TFPI: variants seen among roughly 807,000 people sequenced by gnomAD.
The protein encoded by TFPI is tissue factor pathway inhibitor.
In TFPI, 15 loss-of-function variants were observed where a neutral mutation model predicts 34.6. The observed-to-expected ratio is 0.43, with a 90% CI of 0.29 to 0.67. The LOEUF is 0.67. TFPI is among the 30% of genes least tolerant of loss of function. TFPI has a pLI of 0.15. For synonymous variants in TFPI, 105 were observed against 120.1 expected (o/e 0.87, Z 0.82); for missense variants, 301 against 364.0 (o/e 0.83, Z 1.41).
chr2:187,484,769 A>T (rs1693136392), intron 5 of TFPI, 42 bp downstream of exon 5: 2 of 1,531,042 alleles, frequency 1.3e-6, no homozygotes, highest in South Asian at 2.7e-5. Context: ...TTTTAAAAGG[A>T]TGCCTATAAA....
At chr2:187,543,966 T>TTTTCG (rs1209744683) in intron 1 of TFPI, among the ~76,000 whole-genome samples, 1 of 152,138 alleles carries the variant, frequency 6.6e-6, no homozygotes, top group Admixed American at 6.5e-5. Flanking sequence ...ATGATGGAAA[T>TTTTCG]AAAAATATAG....
Position 187,493,291 on chromosome 2 carries a change from T to C in TFPI, c.319+3590A>G, listed in dbSNP as rs8176475. 1.7e-3 allele frequency among the ~76,000 whole-genome samples: 252 copies of C among 152,264 alleles called. 1 individual carries two copies. The highest frequency in any genetic ancestry group is 2.8e-3 in the Non-Finnish European group (188 of 68,010). ...CTGAAGCTCTGGCCCTAGCTCTACG[T>C]TGACCCCTTTCAATCATGGCTGGAG... On this transcript the variant is annotated intron_variant, in intron 3 of 7. Transcript: ENST00000233156.
At chr2:187,543,179 T>A (rs1052051752) in intron 1 of TFPI, among the ~76,000 whole-genome samples, 2 of 152,206 alleles carry the variant, frequency 1.3e-5, no homozygotes, top group African/African-American at 4.8e-5. Flanking sequence ...AATATCACAC[T>A]TGGGAATTAA....
intron 4 of TFPI, 49 bp downstream of exon 4, chr2:187,488,288 T>C: frequency 6.7e-7 from 1 of 1,487,682 alleles, no homozygotes; most frequent in Non-Finnish European, 9.1e-7. Context: ...ATTGAATATC[T>C]AAATGCCTTA....
chr2:187,532,047 G>A lies in TFPI; in HGVS notation c.-3+22153C>T, dbSNP rs534023967. On this transcript the variant is annotated intron_variant, in intron 1 of 7. Coordinates refer to ENST00000233156, the MANE Select transcript of TFPI (RefSeq NM_006287.6). ...TTTACACTGGAAAAGTAATACATGT[G>A]TATTTTTCCAAATCATAAAACATAA... Among the ~76,000 whole-genome samples the A allele has an allele frequency of 7.2e-5, 11 of 152,060 alleles. No homozygotes were observed. The East Asian group carries it at 9.7e-4, about 13-fold the overall frequency.
intron 1 of TFPI, among the ~76,000 whole-genome samples, chr2:187,548,498 T>A (rs1038226899): frequency 2.0e-5 from 3 of 152,080 alleles, no homozygotes; most frequent in Admixed American, 6.6e-5. Flanking sequence ...AGTATATACT[T>A]GCAGAGATAT....
chr2:187,548,984 T>G (rs1688998035), intron 1 of TFPI, among the ~76,000 whole-genome samples: 1 of 152,144 alleles, frequency 6.6e-6, no homozygotes, highest in Non-Finnish European at 1.5e-5. Context: ...CAGATATCTC[T>G]TTAAAAATGC....
intron 1 of TFPI, among the ~76,000 whole-genome samples, chr2:187,505,716 C>A (rs1686164918): frequency 6.6e-6 from 1 of 152,078 alleles, no homozygotes; most frequent in African/African-American, 2.4e-5. Flanking sequence ...CAAGGGACAC[C>A]TTTTGGACCA....
intron 1 of TFPI, among the ~76,000 whole-genome samples, chr2:187,533,664 A>C (rs1367930295): frequency 6.6e-6 from 1 of 152,236 alleles, no homozygotes; most frequent in East Asian, 1.9e-4. Context: ...CTTCTCCTCC[A>C]AAGGATCACA....
rs757420981 is a variant in TFPI, at chr2:187,466,615, C to G, written c.*321G>C. On this transcript the variant is annotated 3_prime_UTR_variant, in exon 8 of 8. Coordinates refer to ENST00000233156, the MANE Select transcript of TFPI (RefSeq NM_006287.6). ...TCATTTACATGATCATATTCTCAAA[C>G]AGATGGTCACCAAATGGAATCAAAG... 3.8e-5 allele frequency: 7 copies of G among 186,402 alleles called. No homozygotes were observed. Among genetic ancestry groups the G allele is most frequent in the Middle Eastern group, 2.4e-3 (1 of 418 alleles). The allele number at this position is 186,402 out of a possible 1,614,324, so 11.5% of individuals were successfully genotyped here.
intron 1 of TFPI, among the ~76,000 whole-genome samples, chr2:187,522,387 T>G (rs890400765): frequency 5.3e-5 from 8 of 152,068 alleles, no homozygotes; most frequent in Non-Finnish European, 1.0e-4. Context: ...ACAATAGTGG[T>G]TGCTAGGGCC....
chr2:187,512,104 G>A (rs111650675), intron 1 of TFPI, among the ~76,000 whole-genome samples: 3 of 151,998 alleles, frequency 2.0e-5, no homozygotes, highest in African/African-American at 7.2e-5. Flanking sequence ...CATTGAGGCC[G>A]CTGATAACCC....
intron 1 of TFPI, among the ~76,000 whole-genome samples, chr2:187,513,111 G>C (rs1167077338): frequency 3.3e-5 from 5 of 151,900 alleles, no homozygotes; most frequent in African/African-American, 1.2e-4. Flanking sequence ...TACATTAAAA[G>C]GTTAAAAAAA....
chr2:187,478,862 G>A, intron 6 of TFPI: 1 of 1,413,554 alleles, frequency 7.1e-7, no homozygotes, highest in Non-Finnish European at 9.9e-7. Flanking sequence ...GTTTAACACT[G>A]TGGTCAATGC....
intron 2 of TFPI, among the ~76,000 whole-genome samples, chr2:187,497,886 A>G (rs8176446): frequency 0.017 from 2,628 of 152,026 alleles, 76 homozygotes; most frequent in African/African-American, 0.06. Context: ...GTAAAGATAG[A>G]CACTGAAAAT....
At chr2:187,533,705 T>G (rs1688095863) in intron 1 of TFPI, among the ~76,000 whole-genome samples, 1 of 152,160 alleles carries the variant, frequency 6.6e-6, no homozygotes, top group African/African-American at 2.4e-5. Flanking sequence ...CAAAACTTGA[T>G]GAAGAATGAG....
intron 2 of TFPI, 146 bp downstream of exon 2, chr2:187,503,498 CACAT>C (rs772602344): frequency 1.0e-4 from 85 of 837,942 alleles, no homozygotes; most frequent in Non-Finnish European, 1.1e-4. Flanking sequence ...CACACACACA[CACAT>C]ACATTAGGTA....
At chr2:187,479,587 A>ATATG (rs1553520620) in intron 6 of TFPI, among the ~76,000 whole-genome samples, 2,081 of 130,930 alleles carry the variant, frequency 0.016, 28 homozygotes, top group South Asian at 0.037. Flanking sequence ...ATATATATAT[A>ATATG]TATGATTTAA....
At chr2:187,500,584 G>A (rs999877017) in intron 2 of TFPI, among the ~76,000 whole-genome samples, 1 of 152,064 alleles carries the variant, frequency 6.6e-6, no homozygotes, top group Non-Finnish European at 1.5e-5. Context: ...GGAAGTAGGT[G>A]ATAATTTTAT....
Sources: allele counts gnomAD v4.1 joint callset (sites outside exome capture counted in the v4.1 genomes callset), GRCh38; gene constraint gnomAD v4.1.1; transcripts MANE v1.5; gene names NCBI Gene and HGNC (gene_info 2026-07-23, HGNC 2026-07-21).